TNNI3K: variants seen among roughly 807,000 people sequenced by gnomAD.
TNNI3K encodes the protein serine/threonine-protein kinase TNNI3K.
In TNNI3K, 140 loss-of-function variants were observed where a neutral mutation model predicts 114.5. The observed-to-expected ratio is 1.22, with a 90% CI of 1.07 to 1.41. The LOEUF (loss-of-function observed/expected upper bound fraction) is 1.41. TNNI3K is among the 40% of genes most tolerant of loss of function. The pLI, the probability that TNNI3K is intolerant of heterozygous loss-of-function variation, is 0.00. For missense variants in TNNI3K, 1,125 were observed against 1,007.6 expected (o/e 1.12, Z -1.58); for synonymous variants, 347 against 347.5 (o/e 1.00, Z 0.02).
intron 5 of TNNI3K, among the ~76,000 whole-genome samples, chr1:74,304,907 G>C (rs1658531110): frequency 6.6e-6 from 1 of 152,144 alleles, no homozygotes; most frequent in Non-Finnish European, 1.5e-5. Flanking sequence ...TTATTGCTGT[G>C]TTCTGGAACC....
chr1:74,527,649 G>T (rs1646520528), intron 23 of TNNI3K, among the ~76,000 whole-genome samples: 1 of 152,198 alleles, frequency 6.6e-6, no homozygotes, highest in Non-Finnish European at 1.5e-5. Context: ...CCAGGACAGG[G>T]TGTTAGGGTG....
At chr1:74,472,950 A>G (rs997163802) in intron 21 of TNNI3K, among the ~76,000 whole-genome samples, 3 of 152,234 alleles carry the variant, frequency 2.0e-5, no homozygotes, top group Non-Finnish European at 2.9e-5. Context: ...AAAATAGTAC[A>G]TGATGAACCA....
intron 20 of TNNI3K, among the ~76,000 whole-genome samples, chr1:74,448,231 G>T (rs1407814288): frequency 2.7e-5 from 3 of 110,534 alleles, no homozygotes; most frequent in Admixed American, 1.0e-4. Flanking sequence ...TGCACAATGT[G>T]CACATGTACC....
intron 4 of TNNI3K, among the ~76,000 whole-genome samples, chr1:74,252,266 T>G (rs1213045112): frequency 6.6e-6 from 1 of 152,220 alleles, no homozygotes; most frequent in Non-Finnish European, 1.5e-5. Flanking sequence ...TTTTCTTTGC[T>G]CTATTTTTAT....
At chr1:74,416,909 G>A (rs1259651421) in intron 17 of TNNI3K, among the ~76,000 whole-genome samples, 1 of 151,848 alleles carries the variant, frequency 6.6e-6, no homozygotes, top group East Asian at 1.9e-4. Context: ...TTGAATATCT[G>A]ATTATTTCCT....
chr1:74,351,795 C>T (rs896116037), intron 9 of TNNI3K, among the ~76,000 whole-genome samples: 1 of 152,152 alleles, frequency 6.6e-6, no homozygotes, highest in African/African-American at 2.4e-5. Context: ...ACGTAGTTTT[C>T]GTGCCATGGT....
intron 17 of TNNI3K, among the ~76,000 whole-genome samples, chr1:74,410,577 G>C (rs1379671659): frequency 6.6e-6 from 1 of 152,160 alleles, no homozygotes; most frequent in African/African-American, 2.4e-5. Flanking sequence ...TCATTAACCT[G>C]GTTTCAGACC....
intron 17 of TNNI3K, among the ~76,000 whole-genome samples, chr1:74,393,957 T>A (rs1663937040): frequency 6.6e-6 from 1 of 152,128 alleles, no homozygotes; most frequent in Non-Finnish European, 1.5e-5. Context: ...TTGCCACTCA[T>A]CTCCTGCTGT....
chr1:74,411,432 A>C lies in TNNI3K; in HGVS notation c.1773-24648A>C, dbSNP rs189716834. Among the ~76,000 whole-genome samples the C allele has an allele frequency of 1.8e-3, 277 of 152,296 alleles. 1 individual carries two copies. The highest frequency in any genetic ancestry group is 6.3e-3 in the African/African-American group (263 of 41,564). On this transcript the variant is annotated intron_variant, in intron 17 of 24. Transcript: ENST00000326637. The stretch of plus-strand genomic sequence containing the variant: ...AACCCTCAATTAGAAATTTTTATAT[A>C]CAAATGCAGCCAAAAGGGGTCTAAC...
At position 74,436,504 on chromosome 1, in the gene TNNI3K, A is replaced by T; in HGVS notation, c.1856A>T (p.Asp619Val). The T allele has an allele frequency of 6.3e-7, 1 of 1,587,684 alleles. No individual in the cohort carries two copies. Among genetic ancestry groups the T allele is most frequent in the South Asian group, 1.2e-5 (1 of 85,566 alleles). ...AGATTTCTACAGTCTCTGGATGAAG[A>T]CAACATGACAAAACAACCTGGGGTT... Reference protein sequence around the residue: ...ESRFLQSLDEDNMTKQPGNLR... With the variant: ...ESRFLQSLDEVNMTKQPGNLR... Residue 619 changes from aspartate (D) to valine (V), a missense_variant, in exon 19 of 25, where the codon GAC (aspartate) becomes GTC (valine). Transcript: ENST00000326637.
chr1:74,388,919 A>C (rs144466027), intron 17 of TNNI3K, among the ~76,000 whole-genome samples: 1 of 152,320 alleles, frequency 6.6e-6, no homozygotes, highest in African/African-American at 2.4e-5. Context: ...CTTGCTAGGA[A>C]TTCTTGTGCA....
chr1:74,462,673 A>G (rs185359597), intron 20 of TNNI3K, among the ~76,000 whole-genome samples: 1 of 152,326 alleles, frequency 6.6e-6, no homozygotes, highest in East Asian at 1.9e-4. Flanking sequence ...GCATTCAGTA[A>G]AAGTAGCTAC....
At chr1:74,354,503 G>T (rs45443403) in intron 11 of TNNI3K, among the ~76,000 whole-genome samples, 10 of 151,976 alleles carry the variant, frequency 6.6e-5, no homozygotes, top group South Asian at 2.1e-4. Flanking sequence ...AGTACAAGGG[G>T]GGGGGAAAGA....
chr1:74,427,246 T>C (rs1207161228), intron 17 of TNNI3K, among the ~76,000 whole-genome samples: 1 of 151,972 alleles, frequency 6.6e-6, no homozygotes, highest in Admixed American at 6.6e-5. Flanking sequence ...AACTGAATAT[T>C]CAGAAAGGTG....
intron 23 of TNNI3K, among the ~76,000 whole-genome samples, chr1:74,501,279 C>G (rs1430348518): frequency 6.6e-6 from 1 of 152,098 alleles, no homozygotes; most frequent in African/African-American, 2.4e-5. Context: ...CATTGCATTT[C>G]TAATTCAATT....
chr1:74,476,097 A>G (rs769819457), intron 21 of TNNI3K, among the ~76,000 whole-genome samples: 5 of 152,174 alleles, frequency 3.3e-5, no homozygotes, highest in Non-Finnish European at 5.9e-5. Context: ...CTCATTTAAG[A>G]TAAAACAGTT....
chr1:74,469,636 G>T lies in TNNI3K; in HGVS notation c.2121+6086G>T, dbSNP rs551175714. 18 of 324,794 alleles carry T rather than the reference G, an allele frequency of 5.5e-5. No homozygotes were observed. The South Asian group carries it at 2.4e-3, about 43-fold the overall frequency. 20.1% of individuals were successfully genotyped at this position (324,794 alleles called of 1,614,324 possible). A position where few individuals can be genotyped will look rare whatever the true frequency, so the allele number is the denominator to read the frequency against. ...AGACTTGGCAAAACTTTTCTTACTT[G>T]TTTTTTCATTCCTTAGAGAAGCATA... is the stretch of plus-strand genomic sequence containing the variant. On this transcript the variant is annotated intron_variant, in intron 21 of 24. Coordinates refer to ENST00000326637, the MANE Select transcript of TNNI3K (RefSeq NM_015978.3).
intron 17 of TNNI3K, among the ~76,000 whole-genome samples, chr1:74,381,226 TG>T (rs1312662420): frequency 6.6e-6 from 1 of 152,166 alleles, no homozygotes; most frequent in Non-Finnish European, 1.5e-5. Context: ...ATTGACGGCA[TG>T]GGCTCTGAAG....
rs369711832 is a variant in TNNI3K, at chr1:74,332,387, G to A, written c.543+839G>A. ...TCGATCTCGGCTCACTGCAAGCTCCGCCTCCTGGGTTCACGCCATTCTCCT... is the reference window on the plus strand; with the variant it reads ...TCGATCTCGGCTCACTGCAAGCTCCACCTCCTGGGTTCACGCCATTCTCCT... On this transcript the variant is annotated intron_variant, in intron 6 of 24. Coordinates refer to ENST00000326637, the MANE Select transcript of TNNI3K (RefSeq NM_015978.3). Among the ~76,000 whole-genome samples, 15 of 150,772 alleles carry A rather than the reference G, an allele frequency of 9.9e-5. 1 individual carries two copies. In the East Asian group the frequency reaches 1.6e-3, roughly 16 times the overall value.
Sources: gnomAD v4.1 joint callset for allele counts (sites outside exome capture counted in the v4.1 genomes callset) on GRCh38, gnomAD v4.1.1 for gene constraint, MANE v1.5 for transcripts, NCBI Gene and HGNC (gene_info 2026-07-23, HGNC 2026-07-21) for gene names.